The following CREB3L1 variants were observed in gnomAD, a reference collection of about 807,000 sequenced individuals.
CREB3L1 encodes the protein cyclic AMP-responsive element-binding protein 3-like protein 1.
A neutral mutation model predicts 54.5 loss-of-function variants in CREB3L1; 33 were observed. The observed-to-expected ratio is 0.61, with a 90% CI of 0.46 to 0.81. The LOEUF (loss-of-function observed/expected upper bound fraction) is 0.81, where lower values mean the gene tolerates loss of function less well. Among genes scored for constraint, CREB3L1 ranks in the 30% least tolerant of loss-of-function variants. The pLI is 0.00. For missense variants in CREB3L1, 656 were observed against 673.3 expected, an observed-to-expected ratio of 0.97 and a Z score of 0.29; for synonymous variants, 284 against 286.4, an observed-to-expected ratio of 0.99 and a Z score of 0.08.
chr11:46,291,951 G>A (rs1231168002), intron 1 of CREB3L1, among the ~76,000 whole-genome samples: 3 of 152,234 alleles, frequency 2.0e-5, no homozygotes, highest in East Asian at 1.9e-4. Context: ...AGAGGGGAGA[G>A]GCCAAGGGAA....
rs1047796161 is a variant in CREB3L1, at chr11:46,309,976, G to A, written c.517-13G>A. The A allele has an allele frequency of 2.5e-6, 4 of 1,590,974 alleles. No individual in the cohort carries two copies. The highest frequency in any genetic ancestry group is 1.7e-4 in the Middle Eastern group (1 of 6,058). ...AGGGGCAGCTAATGGAGCTGGGCTT[G>A]TCTGTTCCTCAGGCCCCGGGAGAGA... On this transcript the variant is annotated splice_polypyrimidine_tract_variant and intron_variant, in intron 3 of 11. Coordinates refer to ENST00000621158, the MANE Select transcript of CREB3L1 (RefSeq NM_052854.4).
chr11:46,282,945 T>C (rs1939001002), intron 1 of CREB3L1, among the ~76,000 whole-genome samples: 1 of 152,178 alleles, frequency 6.6e-6, no homozygotes, highest in Non-Finnish European at 1.5e-5. Context: ...CTCAATGCTT[T>C]GGGAGACCAA....
chr11:46,305,849 T>C (rs1290549252), intron 2 of CREB3L1, among the ~76,000 whole-genome samples: 1 of 150,792 alleles, frequency 6.6e-6, no homozygotes, highest in Non-Finnish European at 1.5e-5. Flanking sequence ...GCCATTCTCC[T>C]GCCTCAGCGT....
chr11:46,280,980 T>A (rs1269260071), intron 1 of CREB3L1, among the ~76,000 whole-genome samples: 2 of 152,212 alleles, frequency 1.3e-5, no homozygotes, highest in Non-Finnish European at 2.9e-5. Flanking sequence ...GCAAAATGTA[T>A]GCTCACCCTG....
Position 46,277,670 on chromosome 11 carries a change from A to C in CREB3L1, c.-442A>C. 1.0e-5 allele frequency: 2 copies of C among 190,940 alleles called. No individual in the cohort carries two copies. The highest frequency in any genetic ancestry group is 2.2e-5 in the Non-Finnish European group (2 of 91,314). The allele number at this position is 190,940 out of a possible 1,614,324, so 11.8% of individuals were successfully genotyped here. The stretch of plus-strand genomic sequence containing the variant: ...GGGGTTCCCGGTTTCACAGAGAGGA[A>C]AGTGACAGAAGACGTGCGGAGGGAG... On this transcript the variant is annotated 5_prime_UTR_variant, in exon 1 of 12. Transcript: ENST00000621158.
intron 8 of CREB3L1, among the ~76,000 whole-genome samples, chr11:46,314,989 G>A (rs556134973): frequency 5.4e-4 from 82 of 152,254 alleles, no homozygotes; most frequent in African/African-American, 1.7e-3. Flanking sequence ...AATTACAGGC[G>A]TGAGCCACCA....
intron 1 of CREB3L1, among the ~76,000 whole-genome samples, chr11:46,286,947 T>C (rs1235570358): frequency 2.0e-5 from 3 of 152,032 alleles, no homozygotes; most frequent in African/African-American, 7.2e-5. Context: ...TCTGGGGAGA[T>C]TTTAAACAGG....
chr11:46,320,716 G>T lies in CREB3L1; in HGVS notation c.1530G>T (p.Leu510=). The change falls in exon 12 of 12, where the codon CTG becomes CTT. Residue 510 remains leucine, a synonymous_variant. Transcript: ENST00000621158. ...GCCTCTCTTCTCTCTCCAGGGATCTGGGCCCCAACACCACCATCAAACTCT... is the reference window on the plus strand; with the variant it reads ...GCCTCTCTTCTCTCTCCAGGGATCTTGGCCCCAACACCACCATCAAACTCT... ...HSKEWFHDRD[L]GPNTTIKLS is the part of the protein sequence containing the mutation. 6.2e-7 allele frequency: 1 copy of T among 1,612,082 alleles called. No homozygotes were observed. Among genetic ancestry groups the T allele is most frequent in the Non-Finnish European group, 8.5e-7 (1 of 1,179,144 alleles).
chr11:46,298,585 GC>G (rs1470271378), intron 1 of CREB3L1, among the ~76,000 whole-genome samples: 1 of 152,116 alleles, frequency 6.6e-6, no homozygotes, highest in East Asian at 1.9e-4. Flanking sequence ...TGTAGTCCCG[GC>G]TGCTTGGGAG....
At chr11:46,296,442 G>A (rs183094363) in intron 1 of CREB3L1, among the ~76,000 whole-genome samples, 4 of 152,122 alleles carry the variant, frequency 2.6e-5, no homozygotes, top group Admixed American at 2.6e-4. Flanking sequence ...TCCCTCTCTG[G>A]ACTGGAGTTT....
intron 2 of CREB3L1, among the ~76,000 whole-genome samples, chr11:46,306,602 A>G (rs1939400358): frequency 6.6e-6 from 1 of 151,754 alleles, no homozygotes; most frequent in African/African-American, 2.4e-5. Context: ...CCCAGCCTCC[A>G]AGGCCAAGCC....
At chr11:46,304,578 GACAA>G (rs1939351324) in intron 2 of CREB3L1, among the ~76,000 whole-genome samples, 1 of 152,112 alleles carries the variant, frequency 6.6e-6, no homozygotes, top group Non-Finnish European at 1.5e-5. Flanking sequence ...TAGGGGCAAA[GACAA>G]ACCTTTGTAC....
chr11:46,294,974 C>T (rs1451307538), intron 1 of CREB3L1, among the ~76,000 whole-genome samples: 1 of 152,066 alleles, frequency 6.6e-6, no homozygotes, highest in Non-Finnish European at 1.5e-5. Flanking sequence ...TCAGGATTCC[C>T]CCCCACCCCT....
Position 46,317,360 on chromosome 11 carries a change from G to GAT in CREB3L1, c.1132-1_1132insAT (p.Val378MetfsTer28), listed in dbSNP as rs1566193743. On this transcript the variant is annotated frameshift_variant and splice_region_variant. Coordinates refer to ENST00000621158, the MANE Select transcript of CREB3L1 (RefSeq NM_052854.4). LOFTEE classifies it high-confidence loss of function. ...TGATGCCACTCTCTCTTTGCTACCA[G>GAT]GTGGCAGCCTTGTGCTTTGTTCTGG... The GAT allele has an allele frequency of 6.2e-7, 1 of 1,613,948 alleles. No individual in the cohort carries two copies. Among genetic ancestry groups the GAT allele is most frequent in the Non-Finnish European group, 8.5e-7 (1 of 1,179,848 alleles).
At chr11:46,316,153 A>G in intron 8 of CREB3L1, 133 bp from the exon 9 acceptor site, 2 of 618,918 alleles carry the variant, frequency 3.2e-6, no homozygotes, top group South Asian at 3.9e-5. Flanking sequence ...GCAGGAGGTG[A>G]CCTTTCCTAT....
chr11:46,293,187 C>A (rs1260373438), intron 1 of CREB3L1, among the ~76,000 whole-genome samples: 1 of 152,260 alleles, frequency 6.6e-6, no homozygotes, highest in Non-Finnish European at 1.5e-5. Flanking sequence ...CACTCGGTTT[C>A]CGGTGTCCTA....
At chr11:46,303,317 CCTG>C (rs1308905864) in intron 2 of CREB3L1, among the ~76,000 whole-genome samples, 1 of 152,032 alleles carries the variant, frequency 6.6e-6, no homozygotes, top group Non-Finnish European at 1.5e-5. Flanking sequence ...TACAAAATAC[CCTG>C]CTAAGTGCCC....
intron 2 of CREB3L1, among the ~76,000 whole-genome samples, chr11:46,305,491 T>G (rs1251884768): frequency 6.6e-6 from 1 of 151,708 alleles, no homozygotes; most frequent in African/African-American, 2.4e-5. Flanking sequence ...CCTGGCCGAT[T>G]TCAACACTTC....
At chr11:46,305,741 TATATA>T (rs759794323) in intron 2 of CREB3L1, among the ~76,000 whole-genome samples, 25 of 123,576 alleles carry the variant, frequency 2.0e-4, no homozygotes, top group Admixed American at 3.2e-4. Flanking sequence ...TGTATATATA[TATATA>T]TTTTTTTTTA....
Sources: allele counts gnomAD v4.1 joint callset (sites outside exome capture counted in the v4.1 genomes callset), GRCh38; gene constraint gnomAD v4.1.1; transcripts MANE v1.5; gene names NCBI Gene and HGNC (gene_info 2026-07-23, HGNC 2026-07-21).